C14orf132: variants seen among roughly 807,000 people sequenced by gnomAD.
C14orf132 encodes chromosome 14 open reading frame 132.
A neutral mutation model predicts 5.8 loss-of-function variants in C14orf132; 6 were observed. That is an observed-to-expected ratio of 1.03 (90% CI 0.57 to 2.04). The LOEUF (loss-of-function observed/expected upper bound fraction) is 2.04, where lower values mean the gene tolerates loss of function less well. C14orf132 is among the 30% of genes most tolerant of loss of function. The pLI is 0.00. For synonymous variants in C14orf132, 51 were observed against 49.8 expected (o/e 1.02, Z -0.10); for missense variants, 125 against 115.8 (o/e 1.08, Z -0.37).
At chr14:96,052,542 T>C (rs910091293) in intron 1 of C14orf132, among the ~76,000 whole-genome samples, 1 of 152,204 alleles carries the variant, frequency 6.6e-6, no homozygotes, top group African/African-American at 2.4e-5. Context: ...CCAGTAAATA[T>C]TTCATAAACC....
rs367650309 is a variant in C14orf132 at position 96,056,808 on chromosome 14, G to A, written c.27+17281G>A. 7.2e-5 allele frequency among the ~76,000 whole-genome samples: 11 copies of A among 152,244 alleles called. No individual in the cohort carries two copies. In the East Asian group the frequency reaches 1.4e-3, roughly 19 times the overall value. On this transcript the variant is annotated intron_variant, in intron 1 of 1. Transcript: ENST00000555004. ...AAAACCCCGGTCCAAATTCTTTATA[G>A]CCTCACACAATTTATCTGCACCTCA...
intron 1 of C14orf132, among the ~76,000 whole-genome samples, chr14:96,053,623 A>G (rs997091916): frequency 2.6e-5 from 4 of 152,190 alleles, no homozygotes; most frequent in Non-Finnish European, 4.4e-5. Context: ...CTGAGCCCCA[A>G]CAGCAGCTGG....
chr14:96,041,208 T>C (rs1448262752), intron 1 of C14orf132, among the ~76,000 whole-genome samples: 2 of 152,194 alleles, frequency 1.3e-5, no homozygotes, highest in Non-Finnish European at 2.9e-5. Flanking sequence ...ACCACACATA[T>C]GAGAACAGAC....
At chr14:96,079,678 C>G (rs1203000603) in intron 1 of C14orf132, among the ~76,000 whole-genome samples, 1 of 151,874 alleles carries the variant, frequency 6.6e-6, no homozygotes, top group Admixed American at 6.6e-5. Context: ...CCACAGAGAC[C>G]CTGCGAGAAT....
intron 1 of C14orf132, among the ~76,000 whole-genome samples, chr14:96,056,381 G>T (rs1478026637): frequency 1.3e-5 from 2 of 152,196 alleles, no homozygotes; most frequent in South Asian, 2.1e-4. Context: ...CTCTCACATT[G>T]TGCGACCTTA....
At chr14:96,086,454 G>A (rs982978398) in intron 1 of C14orf132, 57 bp from the exon 2 acceptor site, 204 of 1,479,248 alleles carry the variant, frequency 1.4e-4, no homozygotes, top group Non-Finnish European at 1.8e-4. Context: ...CCTTTTGCAG[G>A]GTACATCTGC....
intron 1 of C14orf132, among the ~76,000 whole-genome samples, chr14:96,057,263 G>C (rs8014271): frequency 0.082 from 12,463 of 152,230 alleles, 636 homozygotes; most frequent in East Asian, 0.17. Flanking sequence ...TCTGTCCCTT[G>C]CACTTTGTGA....
chr14:96,080,679 G>A (rs1888003922), intron 1 of C14orf132, among the ~76,000 whole-genome samples: 1 of 152,178 alleles, frequency 6.6e-6, no homozygotes, highest in Non-Finnish European at 1.5e-5. Flanking sequence ...CCCACTCCTT[G>A]GAGCAGCATG....
chr14:96,078,612 T>G (rs1024383955), intron 1 of C14orf132, among the ~76,000 whole-genome samples: 1 of 152,190 alleles, frequency 6.6e-6, no homozygotes, highest in Non-Finnish European at 1.5e-5. Context: ...AATGGTCCTG[T>G]GGGTCCCAGG....
At chr14:96,061,566 T>G (rs1268402379) in intron 1 of C14orf132, among the ~76,000 whole-genome samples, 5 of 152,180 alleles carry the variant, frequency 3.3e-5, no homozygotes. Flanking sequence ...TTTAACTTAT[T>G]GTATTTTCTT....
At chr14:96,043,961 T>C (rs1384253057) in intron 1 of C14orf132, among the ~76,000 whole-genome samples, 2 of 152,096 alleles carry the variant, frequency 1.3e-5, no homozygotes. Context: ...ATTCCCATCA[T>C]CAAGAAAGGG....
rs1888286875 is a variant in C14orf132 at position 96,088,688 on chromosome 14, T to C, written c.*1953T>C. The C allele has an allele frequency of 6.6e-6, 1 of 152,202 alleles. No individual in the cohort carries two copies. Among genetic ancestry groups the C allele is most frequent in the African/African-American group, 2.4e-5 (1 of 41,448 alleles). The allele number at this position is 152,202 out of a possible 1,614,324, so 9.4% of individuals were successfully genotyped here. A position where few individuals can be genotyped will look rare whatever the true frequency, so the allele number is the denominator to read the frequency against. On this transcript the variant is annotated 3_prime_UTR_variant, in exon 2 of 2. Coordinates refer to ENST00000555004, the MANE Select transcript of C14orf132 (RefSeq NM_001252507.3). ...CACTCTGCCCCACATGCTCAAATCTTCCCTCTGGCCCCACATCCCTAGGAG... is the reference window on the plus strand; with the variant it reads ...CACTCTGCCCCACATGCTCAAATCTCCCCTCTGGCCCCACATCCCTAGGAG...
chr14:96,044,561 T>G lies in C14orf132; in HGVS notation c.27+5034T>G, dbSNP rs537931315. Among the ~76,000 whole-genome samples the G allele has an allele frequency of 2.6e-5, 4 of 152,234 alleles. No individual in the cohort carries two copies. In the East Asian group the frequency reaches 5.8e-4, roughly 22 times the overall value. The stretch of plus-strand genomic sequence containing the variant: ...ATAAATTACTACAAACTGGGTGGTT[T>G]AAAACAACAGAAATTCATTCTGTCA... On this transcript the variant is annotated intron_variant, in intron 1 of 1. Transcript: ENST00000555004.
At chr14:96,057,050 A>T (rs1887205725) in intron 1 of C14orf132, among the ~76,000 whole-genome samples, 1 of 152,216 alleles carries the variant, frequency 6.6e-6, no homozygotes, top group African/African-American at 2.4e-5. Flanking sequence ...AATGGGGCTC[A>T]CAGGCACACC....
chr14:96,068,238 G>GT (rs1214189932), intron 1 of C14orf132, among the ~76,000 whole-genome samples: 2 of 152,204 alleles, frequency 1.3e-5, no homozygotes, highest in Non-Finnish European at 2.9e-5. Context: ...AGCAGATTAT[G>GT]TTTTTTCAGC....
Position 96,089,949 on chromosome 14 carries a change from C to T in C14orf132, c.*3214C>T, listed in dbSNP as rs754603402. 1.3e-5 allele frequency: 2 copies of T among 152,380 alleles called. No individual in the cohort carries two copies. Among genetic ancestry groups the T allele is most frequent in the Non-Finnish European group, 2.9e-5 (2 of 68,190 alleles). 9.4% of individuals were successfully genotyped at this position (152,380 alleles called of 1,614,324 possible). A position where few individuals can be genotyped will look rare whatever the true frequency, so the allele number is the denominator to read the frequency against. On this transcript the variant is annotated 3_prime_UTR_variant, in exon 2 of 2. Transcript: ENST00000555004. ...GGGAGAGGGATCGTCCTCATTCAGA[C>T]TCTAGCTGGGGCCTCTGTACTGGCT...
At position 96,089,504 on chromosome 14, in the gene C14orf132, G is replaced by A. The variant is rs1888312958; in HGVS notation, c.*2769G>A. The A allele has an allele frequency of 6.6e-6, 1 of 152,240 alleles. No individual in the cohort carries two copies. The highest frequency in any genetic ancestry group is 1.5e-5 in the Non-Finnish European group (1 of 68,078). 9.4% of individuals were successfully genotyped at this position (152,240 alleles called of 1,614,324 possible). On this transcript the variant is annotated 3_prime_UTR_variant, in exon 2 of 2. Transcript: ENST00000555004. Reference sequence around the variant, plus strand: ...ACACTGTACTGCCTTCTGTGACTGGGTGGCACCTCCAGGGCACATTTACAC... The same window carrying A: ...ACACTGTACTGCCTTCTGTGACTGGATGGCACCTCCAGGGCACATTTACAC...
At position 96,045,825 on chromosome 14, in the gene C14orf132, G is replaced by A. The variant is rs144820306; in HGVS notation, c.27+6298G>A. Among the ~76,000 whole-genome samples, 576 of 152,326 alleles carry A rather than the reference G, an allele frequency of 3.8e-3. 3 individuals are homozygous for A. The highest frequency in any genetic ancestry group is 6.3e-3 in the African/African-American group (264 of 41,580). ...TAAAGCAATCATTTATTGTGCTGAC[G>A]ATTTTGTGGGACCAGAATTGAGGAA... On this transcript the variant is annotated intron_variant, in intron 1 of 1. Coordinates refer to ENST00000555004, the MANE Select transcript of C14orf132 (RefSeq NM_001252507.3).
At chr14:96,084,144 C>T (rs1380230394) in intron 1 of C14orf132, among the ~76,000 whole-genome samples, 3 of 152,220 alleles carry the variant, frequency 2.0e-5, no homozygotes, top group East Asian at 1.9e-4. Context: ...GAGAGTGGCT[C>T]AGATCCCATT....
Sources: allele counts gnomAD v4.1 joint callset (sites outside exome capture counted in the v4.1 genomes callset), GRCh38; gene constraint gnomAD v4.1.1; transcripts MANE v1.5; gene names NCBI Gene and HGNC (gene_info 2026-07-23, HGNC 2026-07-21).